The following LGSN variants were observed in gnomAD, a reference collection of about 807,000 sequenced individuals.
LGSN encodes lengsin, lens protein with glutamine synthetase domain.
In LGSN, 21 loss-of-function variants were observed where a neutral mutation model predicts 19.5. That is an observed-to-expected ratio of 1.07 (90% confidence interval 0.76 to 1.55). The LOEUF is 1.55. Among genes scored for constraint, LGSN ranks in the 40% most tolerant of loss-of-function variants. LGSN has a pLI of 0.00. For missense variants in LGSN, 673 were observed against 608.5 expected, an observed-to-expected ratio of 1.11 and a Z score of -1.12; for synonymous variants, 257 against 215.6, an observed-to-expected ratio of 1.19 and a Z score of -1.68.
chr6:63,355,130 T>C, the LGSN span, among the ~76,000 whole-genome samples: 1 of 152,154 alleles, frequency 6.6e-6, no homozygotes, highest in Non-Finnish European at 1.5e-5. Context: ...TCCCAACACA[T>C]AAAAATGATA....
chr6:63,307,773 T>A (rs1160210320), intron 1 of LGSN, among the ~76,000 whole-genome samples: 1 of 152,188 alleles, frequency 6.6e-6, no homozygotes, highest in African/African-American at 2.4e-5. Context: ...CATTCTAGAT[T>A]ACCTCACAGG....
At chr6:63,390,644 C>T in the LGSN span, among the ~76,000 whole-genome samples, 113 of 151,318 alleles carry the variant, frequency 7.5e-4, 2 homozygotes, top group South Asian at 8.1e-3. Flanking sequence ...ATCACGAGGT[C>T]AGGAGATCGA....
the LGSN span, among the ~76,000 whole-genome samples, chr6:63,501,169 C>T: frequency 1.3e-5 from 2 of 151,880 alleles, no homozygotes; most frequent in East Asian, 3.9e-4. Flanking sequence ...ATCAGGAGTT[C>T]GAGACTACCC....
At chr6:63,329,265 A>T in the LGSN span, among the ~76,000 whole-genome samples, 5 of 152,164 alleles carry the variant, frequency 3.3e-5, no homozygotes, top group African/African-American at 9.7e-5. Flanking sequence ...ATAAGTTGGG[A>T]CGTGTGGTCT....
At chr6:63,324,331 C>T (rs1286359997), upstream of LGSN, among the ~76,000 whole-genome samples, 1 of 152,196 alleles carries the variant, frequency 6.6e-6, no homozygotes, top group Non-Finnish European at 1.5e-5. Flanking sequence ...AGACATATCA[C>T]ATAGTTTTCT....
chr6:63,387,831 C>T, the LGSN span, among the ~76,000 whole-genome samples: 1 of 151,762 alleles, frequency 6.6e-6, no homozygotes, highest in Admixed American at 6.6e-5. Flanking sequence ...GATCTACAGG[C>T]ATACCACCAC....
the LGSN span, among the ~76,000 whole-genome samples, chr6:63,552,278 G>A: frequency 1.3e-5 from 2 of 152,152 alleles, no homozygotes; most frequent in African/African-American, 2.4e-5. Flanking sequence ...TTTCTCTGAT[G>A]GCCAGTGATG....
chr6:63,427,074 G>A, the LGSN span, among the ~76,000 whole-genome samples: 3 of 146,332 alleles, frequency 2.1e-5, no homozygotes, highest in Non-Finnish European at 4.5e-5. Context: ...CTGAGACAGA[G>A]TTTCTGTTCT....
chr6:63,503,409 G>A, the LGSN span, among the ~76,000 whole-genome samples: 1 of 152,160 alleles, frequency 6.6e-6, no homozygotes. Flanking sequence ...CAAGGTATTC[G>A]CAGTGGTCCA....
the LGSN span, among the ~76,000 whole-genome samples, chr6:63,360,918 C>G: frequency 6.6e-6 from 1 of 152,212 alleles, no homozygotes; most frequent in Non-Finnish European, 1.5e-5. Context: ...TGCCAGAGGT[C>G]CACTCCAGAC....
In LGSN at chr6:63,280,433, C is replaced by T; in HGVS notation, c.1118G>A (p.Arg373Lys). Residue 373 changes from arginine to lysine, a missense_variant, in exon 4 of 4, where the codon AGG becomes AAG. Coordinates refer to ENST00000370657, the MANE Select transcript of LGSN (RefSeq NM_016571.3). ...VSCRKRYSKDRKDLKKSVPTT... is the reference protein window; with the variant it reads ...VSCRKRYSKDKKDLKKSVPTT... ...AGGCACACTCTTCTTCAGGTCTTTC[C>T]TGTCCTTGGAATAACGCTTTCGGCA... The T allele has an allele frequency of 6.2e-7, 1 of 1,614,172 alleles. No individual in the cohort carries two copies. Among genetic ancestry groups the T allele is most frequent in the South Asian group, 1.1e-5 (1 of 91,088 alleles).
the LGSN span, among the ~76,000 whole-genome samples, chr6:63,357,855 T>C: frequency 1.3e-5 from 2 of 152,162 alleles, no homozygotes; most frequent in African/African-American, 2.4e-5. Context: ...CATTTGTTAA[T>C]TTTGGCTTTT....
At chr6:63,357,456 A>AG in the LGSN span, among the ~76,000 whole-genome samples, 1 of 118,234 alleles carries the variant, frequency 8.5e-6, no homozygotes, top group African/African-American at 5.8e-5. Context: ...CCAACAGTGT[A>AG]AAGTGTTCCT....
chr6:63,477,107 C>T, the LGSN span, among the ~76,000 whole-genome samples: 1 of 152,198 alleles, frequency 6.6e-6, no homozygotes, highest in African/African-American at 2.4e-5. Context: ...AGCAGCATTT[C>T]TCATCACAGT....
At chr6:63,315,397 C>G (rs1487006459) in intron 1 of LGSN, among the ~76,000 whole-genome samples, 1 of 152,052 alleles carries the variant, frequency 6.6e-6, no homozygotes, top group Non-Finnish European at 1.5e-5. Context: ...TAGACCTGTG[C>G]TTCTTTACTT....
At chr6:63,442,981 A>G in the LGSN span, among the ~76,000 whole-genome samples, 98,796 of 152,180 alleles carry the variant, frequency 0.65, 32,200 homozygotes, top group East Asian at 0.69. Context: ...CGATGGGACC[A>G]GGCACTGTGG....
intron 1 of LGSN, among the ~76,000 whole-genome samples, chr6:63,312,402 A>G (rs1768667124): frequency 6.6e-6 from 1 of 152,208 alleles, no homozygotes; most frequent in Non-Finnish European, 1.5e-5. Flanking sequence ...TAGAATCCTT[A>G]TTAAACTTTC....
the LGSN span, among the ~76,000 whole-genome samples, chr6:63,340,803 C>T: frequency 6.7e-6 from 1 of 150,332 alleles, no homozygotes; most frequent in Middle Eastern, 3.4e-3. Flanking sequence ...CTATTATTTT[C>T]CTTTAGAAAG....
the LGSN span, among the ~76,000 whole-genome samples, chr6:63,519,988 T>C: frequency 5.3e-5 from 8 of 152,236 alleles, no homozygotes; most frequent in Non-Finnish European, 1.0e-4. Context: ...TATAAACCTG[T>C]AGACTGATTT....
Sources: gnomAD v4.1 joint callset for allele counts (sites outside exome capture counted in the v4.1 genomes callset) on GRCh38, gnomAD v4.1.1 for gene constraint, MANE v1.5 for transcripts, NCBI Gene and HGNC (gene_info 2026-07-23, HGNC 2026-07-21) for gene names.